COL19A1: variants seen among roughly 807,000 people sequenced by gnomAD.
COL19A1 encodes the protein collagen alpha-1(XIX) chain.
A neutral mutation model predicts 190.2 loss-of-function variants in COL19A1; 159 were observed. The observed-to-expected ratio is 0.84, with a 90% CI of 0.73 to 0.95. The LOEUF is 0.95. COL19A1 is among the 40% of genes least tolerant of loss of function. The pLI is 0.00. For missense variants in COL19A1, 1,418 were observed against 1,431.9 expected, an observed-to-expected ratio of 0.99 and a Z score of 0.16; for synonymous variants, 509 against 458.9, an observed-to-expected ratio of 1.11 and a Z score of -1.39.
chr6:70,206,877 C>T (rs1583168773), intron 49 of COL19A1, 24 bp from the exon 50 acceptor site: 1 of 1,603,430 alleles, frequency 6.2e-7, no homozygotes, highest in South Asian at 1.1e-5. Context: ...TTGTGTGTCT[C>T]TTTTTTATAT....
At chr6:70,107,074 G>T (rs1472413736) in intron 16 of COL19A1, among the ~76,000 whole-genome samples, 1 of 152,166 alleles carries the variant, frequency 6.6e-6, no homozygotes, top group East Asian at 1.9e-4. Flanking sequence ...TTATAATGGG[G>T]TAAATGATAC....
At chr6:70,099,972 C>G (rs1185032330) in intron 15 of COL19A1, among the ~76,000 whole-genome samples, 1 of 152,206 alleles carries the variant, frequency 6.6e-6, no homozygotes, top group African/African-American at 2.4e-5. Context: ...ATGCTTTTTA[C>G]TCCTCATCTT....
chr6:70,064,093 T>C (rs1034183966), intron 14 of COL19A1, among the ~76,000 whole-genome samples: 16 of 151,938 alleles, frequency 1.1e-4, no homozygotes, highest in African/African-American at 3.1e-4. Context: ...CTCCAATCAA[T>C]AGAAAAAGAG....
At chr6:70,069,534 G>A (rs554136971) in intron 15 of COL19A1, among the ~76,000 whole-genome samples, 13 of 152,234 alleles carry the variant, frequency 8.5e-5, no homozygotes, top group Middle Eastern at 3.4e-3. Context: ...CAGAGTTGTC[G>A]AGAATGAGAC....
chr6:70,131,565 C>T (rs56149206), intron 18 of COL19A1, among the ~76,000 whole-genome samples: 1 of 152,124 alleles, frequency 6.6e-6, no homozygotes, highest in African/African-American at 2.4e-5. Flanking sequence ...ATTGCTAGTA[C>T]ATTAACATTA....
chr6:70,096,606 C>T (rs1783292418), intron 15 of COL19A1, among the ~76,000 whole-genome samples: 1 of 152,176 alleles, frequency 6.6e-6, no homozygotes, highest in Non-Finnish European at 1.5e-5. Flanking sequence ...CAGGGATTTT[C>T]CAGTCCAGGT....
chr6:70,186,755 C>G (rs959830534), intron 46 of COL19A1, among the ~76,000 whole-genome samples: 5 of 152,138 alleles, frequency 3.3e-5, no homozygotes, highest in Admixed American at 1.3e-4. Context: ...CAAACACATA[C>G]AGTAGTAGAC....
chr6:70,173,115 A>G (rs1765592752), intron 41 of COL19A1, among the ~76,000 whole-genome samples: 1 of 152,226 alleles, frequency 6.6e-6, no homozygotes, highest in African/African-American at 2.4e-5. Context: ...GACAGCTATG[A>G]GCAAGGCCTA....
intron 9 of COL19A1, among the ~76,000 whole-genome samples, chr6:69,943,888 T>C (rs936968519): frequency 5.3e-5 from 8 of 152,144 alleles, no homozygotes; most frequent in African/African-American, 1.9e-4. Context: ...CGAATAGTCA[T>C]GTAAGCAAAT....
At chr6:70,145,566 A>T (rs1250279963) in intron 25 of COL19A1, among the ~76,000 whole-genome samples, 1 of 152,146 alleles carries the variant, frequency 6.6e-6, no homozygotes, top group East Asian at 1.9e-4. Context: ...AAAAACTGTC[A>T]GGCACTATGC....
chr6:70,030,780 T>G (rs942672025), intron 12 of COL19A1, among the ~76,000 whole-genome samples: 2 of 152,138 alleles, frequency 1.3e-5, no homozygotes, highest in African/African-American at 4.8e-5. Flanking sequence ...GCCTGGAGAC[T>G]TTCCTTCTTC....
In COL19A1 at chr6:70,188,197, C is replaced by T. The variant is rs772807715; in HGVS notation, c.2979C>T (p.Ser993=). 11 of 1,612,968 alleles carry T rather than the reference C, an allele frequency of 6.8e-6. No homozygotes were observed. In the African/African-American group the frequency reaches 1.3e-4, roughly 20 times the overall value. ...GPPGNKGSMG[S]PGHQGPPGSP... ...CAGGAAACAAGGGCTCCATGGGATCCCCTGGCCACCAAGGCCCTCCAGGCT... is the reference window on the plus strand; with the variant it reads ...CAGGAAACAAGGGCTCCATGGGATCTCCTGGCCACCAAGGCCCTCCAGGCT... Residue 993 remains serine, a synonymous_variant, in exon 47 of 51, where the codon TCC becomes TCT. Coordinates refer to ENST00000620364, the MANE Select transcript of COL19A1 (RefSeq NM_001858.6).
intron 12 of COL19A1, among the ~76,000 whole-genome samples, chr6:70,027,511 T>C (rs1778790934): frequency 6.6e-6 from 1 of 152,192 alleles, no homozygotes; most frequent in African/African-American, 2.4e-5. Context: ...CCCCTAGTCA[T>C]TGGGACAAGA....
At position 70,152,984 on chromosome 6, in the gene COL19A1, T is replaced by C. The variant is rs561803521; in HGVS notation, c.2079+1546T>C. Reference sequence around the variant, plus strand: ...TCAGAAGTGGAACTAATTGACAATCTCGCCCGGGAATCATCCCTCTAATGA... The same window carrying C: ...TCAGAAGTGGAACTAATTGACAATCCCGCCCGGGAATCATCCCTCTAATGA... On this transcript the variant is annotated intron_variant, in intron 31 of 50. Coordinates refer to ENST00000620364, the MANE Select transcript of COL19A1 (RefSeq NM_001858.6). Among the ~76,000 whole-genome samples the C allele has an allele frequency of 1.8e-3, 281 of 152,144 alleles. 1 individual carries two copies. The highest frequency in any genetic ancestry group is 6.4e-3 in the African/African-American group (264 of 41,516).
At chr6:69,888,648 C>A (rs1030659648) in intron 2 of COL19A1, among the ~76,000 whole-genome samples, 1 of 152,016 alleles carries the variant, frequency 6.6e-6, no homozygotes, top group Non-Finnish European at 1.5e-5. Context: ...AAAAAATTAG[C>A]CGGGCGTGGT....
At chr6:69,900,117 T>C (rs2149972975) in intron 3 of COL19A1, 122 bp from the exon 4 acceptor site, 1 of 500,514 alleles carries the variant, frequency 2.0e-6, no homozygotes, top group East Asian at 3.5e-5. Flanking sequence ...ATTTTGCTGA[T>C]CCCAAGCAGC....
chr6:69,936,166 C>A (rs936807604), intron 7 of COL19A1, among the ~76,000 whole-genome samples: 10 of 152,134 alleles, frequency 6.6e-5, no homozygotes, highest in Admixed American at 2.6e-4. Context: ...GCTTTGTAAC[C>A]AAATTGCACT....
At chr6:70,197,855 T>C (rs1030075452) in intron 48 of COL19A1, among the ~76,000 whole-genome samples, 1 of 152,226 alleles carries the variant, frequency 6.6e-6, no homozygotes, top group Non-Finnish European at 1.5e-5. Flanking sequence ...AGAATGTGAA[T>C]GTAGGTGATT....
At chr6:70,115,154 CT>C (rs1267025059) in intron 16 of COL19A1, among the ~76,000 whole-genome samples, 2 of 152,188 alleles carry the variant, frequency 1.3e-5, no homozygotes, top group Non-Finnish European at 2.9e-5. Flanking sequence ...CTGTCTTCTC[CT>C]GTCCTTAGCC....
Sources: allele counts gnomAD v4.1 joint callset (sites outside exome capture counted in the v4.1 genomes callset), GRCh38; gene constraint gnomAD v4.1.1; transcripts MANE v1.5; gene names NCBI Gene and HGNC (gene_info 2026-07-23, HGNC 2026-07-21).